The following PRKN variants were observed in gnomAD, a reference collection of about 807,000 sequenced individuals.
The protein encoded by PRKN is parkin RBR E3 ubiquitin protein ligase.
In PRKN, 56 loss-of-function variants were observed where a neutral mutation model predicts 59.5. The ratio of observed to expected loss-of-function variants is 0.94; its 90% CI spans 0.76 to 1.18. The LOEUF (loss-of-function observed/expected upper bound fraction) is 1.18. Among genes scored for constraint, PRKN ranks in the 50% most tolerant of loss-of-function variants. The probability of loss-of-function intolerance (pLI) is 0.00; values close to 1 mark genes in which losing one functional copy is unlikely to be tolerated. For synonymous variants in PRKN, 250 were observed against 222.1 expected, an observed-to-expected ratio of 1.13 and a Z score of -1.12; for missense variants, 657 against 596.4, an observed-to-expected ratio of 1.10 and a Z score of -1.06.
intron 6 of PRKN, among the ~76,000 whole-genome samples, chr6:161,811,837 G>A (rs562441698): frequency 2.4e-4 from 37 of 152,062 alleles, no homozygotes; most frequent in Non-Finnish European, 4.4e-4. Context: ...CAGGGGTATC[G>A]CTTGAACCTG....
chr6:161,356,266 G>GTT lies in PRKN; in HGVS notation c.1285+3821_1285+3822insAA, dbSNP rs1316224063. 3.3e-5 allele frequency among the ~76,000 whole-genome samples: 5 copies of GTT among 152,330 alleles called. No individual in the cohort carries two copies. Among genetic ancestry groups the GTT allele is most frequent in the Non-Finnish European group, 1.5e-5 (1 of 68,032 alleles). On this transcript the variant is annotated intron_variant, in intron 11 of 11. Transcript: ENST00000366898. The surrounding 1 kb of genome is among the most constrained non-coding windows in gnomAD (Gnocchi z 7.8). ...GACAGTGCCCCCCAACAGGAGGGCAGGGGTCTTTGGCAGGGTGGTAAGGGG... is the reference window on the plus strand; with the variant it reads ...GACAGTGCCCCCCAACAGGAGGGCAGTTGGGTCTTTGGCAGGGTGGTAAGGGG...
intron 2 of PRKN, among the ~76,000 whole-genome samples, chr6:162,289,813 C>T (rs113513397): frequency 5.9e-5 from 9 of 152,230 alleles, no homozygotes; most frequent in Non-Finnish European, 1.2e-4. Context: ...TCTGCTGTGG[C>T]AGCAAGACAC....
At chr6:162,438,329 AGAG>A (rs1398613064) in intron 2 of PRKN, among the ~76,000 whole-genome samples, 1 of 152,214 alleles carries the variant, frequency 6.6e-6, no homozygotes, top group Non-Finnish European at 1.5e-5. Context: ...AGAAAACTCA[AGAG>A]GAGAAAAACA....
intron 1 of PRKN, among the ~76,000 whole-genome samples, chr6:162,450,342 TAATCCCCCTGTGAATGTA>T: frequency 2.1e-5 from 2 of 93,330 alleles, no homozygotes; most frequent in Non-Finnish European, 5.3e-5. Context: ...CCTGTGATTG[TAATCCCCCTGTGAATGTA>T]AACGCCCCTG....
intron 4 of PRKN, among the ~76,000 whole-genome samples, chr6:162,174,725 T>C (rs1273946642): frequency 6.6e-6 from 1 of 152,210 alleles, no homozygotes; most frequent in Non-Finnish European, 1.5e-5. Context: ...TTGTGCTTTG[T>C]TCTTGTTCAT....
intron 1 of PRKN, chr6:162,727,283 A>AGGGGCGAAGGCGAGGGGCGGCGGC: frequency 3.8e-6 from 1 of 265,568 alleles, no homozygotes; most frequent in Non-Finnish European, 6.9e-6. Flanking sequence ...CAGTGAGGTG[A>AGGGGCGAAGGCGAGGGGCGGCGGC]GGGGCGAAGG....
At position 161,529,520 on chromosome 6, in the gene PRKN, T is replaced by C. The variant is rs1310430992; in HGVS notation, c.1083+19334A>G. Among the ~76,000 whole-genome samples, 1 of 152,174 alleles carries C rather than the reference T, an allele frequency of 6.6e-6. No individual in the cohort carries two copies. The highest frequency in any genetic ancestry group is 1.9e-4 in the East Asian group (1 of 5,188). ...TGGCTTACTTATGATCTCACAGCAA[T>C]GGGACAGAGAAATGGCTGGTTTCTC... On this transcript the variant is annotated intron_variant, in intron 9 of 11. Coordinates refer to ENST00000366898, the MANE Select transcript of PRKN (RefSeq NM_004562.3). The surrounding 1 kb of genome is among the most constrained non-coding windows in gnomAD (Gnocchi z 4.4).
intron 1 of PRKN, among the ~76,000 whole-genome samples, chr6:162,707,720 G>T (rs1778387557): frequency 6.6e-6 from 1 of 152,050 alleles, no homozygotes; most frequent in Non-Finnish European, 1.5e-5. Context: ...GACTACAGGT[G>T]CAAGCCACCA....
intron 5 of PRKN, among the ~76,000 whole-genome samples, chr6:161,993,594 C>G (rs986107453): frequency 6.6e-6 from 1 of 152,140 alleles, no homozygotes; most frequent in Admixed American, 6.5e-5. Context: ...ATGCATTCTA[C>G]GTGGCCAGCA....
chr6:162,394,820 T>G (rs749333695), intron 2 of PRKN, among the ~76,000 whole-genome samples: 1 of 152,244 alleles, frequency 6.6e-6, no homozygotes, highest in Non-Finnish European at 1.5e-5. Flanking sequence ...CTATAGATGT[T>G]ACTGTGGTTA....
In PRKN at chr6:161,714,622, T is replaced by C. The variant is rs372099312; in HGVS notation, c.871+71150A>G. ...CAGACTAAGACAGGGAGTGTCCATGTACTCCATGTAAAACACTTTTTTTAA... is the reference window on the plus strand; with the variant it reads ...CAGACTAAGACAGGGAGTGTCCATGCACTCCATGTAAAACACTTTTTTTAA... On this transcript the variant is annotated intron_variant, in intron 7 of 11. Coordinates refer to ENST00000366898, the MANE Select transcript of PRKN (RefSeq NM_004562.3). Among the ~76,000 whole-genome samples, 97 of 152,358 alleles carry C rather than the reference T, an allele frequency of 6.4e-4. 1 individual carries two copies. Among genetic ancestry groups the C allele is most frequent in the African/African-American group, 2.3e-3 (96 of 41,596 alleles).
intron 1 of PRKN, among the ~76,000 whole-genome samples, chr6:162,628,118 T>C (rs1404973696): frequency 2.0e-5 from 3 of 152,122 alleles, no homozygotes; most frequent in Non-Finnish European, 4.4e-5. Flanking sequence ...TTTGTGGGGT[T>C]AGAAGCCAGA....
rs532713115 is a variant in PRKN, at chr6:161,933,773, A to G, written c.734+39529T>C. On this transcript the variant is annotated intron_variant, in intron 6 of 11. Transcript: ENST00000366898. The stretch of plus-strand genomic sequence containing the variant: ...TGAAGCTCACAGTTCCCCTGCAGAC[A>G]TTTCAGGGAACCCCAGAAGTCTTCA... 3.3e-5 allele frequency among the ~76,000 whole-genome samples: 5 copies of G among 151,992 alleles called. No homozygotes were observed. The South Asian group carries it at 8.3e-4, about 25-fold the overall frequency.
At chr6:161,710,927 C>CCCTTCCTT (rs112997197) in intron 7 of PRKN, among the ~76,000 whole-genome samples, 8 of 139,606 alleles carry the variant, frequency 5.7e-5, no homozygotes, top group East Asian at 4.3e-4. Context: ...CCTTCCTCAC[C>CCCTTCCTT]CCTTCCTTCC....
intron 1 of PRKN, among the ~76,000 whole-genome samples, chr6:162,633,134 CT>C (rs1288262256): frequency 5.9e-5 from 9 of 151,390 alleles, no homozygotes; most frequent in Non-Finnish European, 8.8e-5. Flanking sequence ...CAGGCTAAAC[CT>C]TTAAAAAAAA....
intron 4 of PRKN, among the ~76,000 whole-genome samples, chr6:162,094,957 TATAG>T (rs1475935140): frequency 6.6e-6 from 1 of 152,092 alleles, no homozygotes; most frequent in Non-Finnish European, 1.5e-5. Context: ...GATGGAGATG[TATAG>T]ATAGATAGAT....
chr6:161,493,317 C>G (rs1010391725), intron 9 of PRKN, among the ~76,000 whole-genome samples: 5 of 152,174 alleles, frequency 3.3e-5, no homozygotes, highest in Non-Finnish European at 5.9e-5. Context: ...CAAAACTGCT[C>G]AATAATTTTG....
chr6:162,142,081 A>G (rs562835417), intron 4 of PRKN, among the ~76,000 whole-genome samples: 1 of 152,350 alleles, frequency 6.6e-6, no homozygotes, highest in South Asian at 2.1e-4. Flanking sequence ...AAAAGATTTT[A>G]GTTCACAAAA....
rs2115436728 is a variant in PRKN at position 161,552,490 on chromosome 6, C to T, written c.934-3487G>A. 2.0e-5 allele frequency among the ~76,000 whole-genome samples: 3 copies of T among 150,346 alleles called. No homozygotes were observed. The highest frequency in any genetic ancestry group is 6.8e-3 in the Middle Eastern group (2 of 292). On this transcript the variant is annotated intron_variant, in intron 8 of 11. Coordinates refer to ENST00000366898, the MANE Select transcript of PRKN (RefSeq NM_004562.3). The surrounding 1 kb of genome is among the most constrained non-coding windows in gnomAD (Gnocchi z 4.9). ...TGACTGTGAATGATCTCACGGTGAT[C>T]CTCCAAGCCCCTCTCCCTCAGCTCT...
Sources: gnomAD v4.1 joint callset for allele counts (sites outside exome capture counted in the v4.1 genomes callset) on GRCh38, gnomAD v4.1.1 for gene constraint, Gnocchi (gnomAD v3.1) non-coding constraint, MANE v1.5 for transcripts, NCBI Gene and HGNC (gene_info 2026-07-23, HGNC 2026-07-21) for gene names.